The following SH2D3C variants were observed in gnomAD, a reference collection of about 807,000 sequenced individuals.
SH2D3C encodes the protein SH2 domain-containing protein 3C.
In SH2D3C, 25 loss-of-function variants were observed where a neutral mutation model predicts 75.2. The ratio of observed to expected loss-of-function variants is 0.33; its 90% CI spans 0.24 to 0.46. The LOEUF (loss-of-function observed/expected upper bound fraction) is 0.46, where lower values mean the gene tolerates loss of function less well. SH2D3C is among the 20% of genes least tolerant of loss of function. SH2D3C has a pLI of 1.00. For missense variants in SH2D3C, 933 were observed against 1,165.3 expected (o/e 0.80, Z 2.90); for synonymous variants, 450 against 473.7 (o/e 0.95, Z 0.65).
Position 127,738,697 on chromosome 9 carries a change from CT to C in SH2D3C, c.*48del, listed in dbSNP as rs1844756010. The C allele has an allele frequency of 6.7e-7, 1 of 1,503,738 alleles. No individual in the cohort carries two copies. The highest frequency in any genetic ancestry group is 1.3e-5 in the South Asian group (1 of 77,008). The allele number at this position is 1,503,738 out of a possible 1,614,324, so 93.1% of individuals were successfully genotyped here. ...GTGCTCTGGGGAAAGTTGTGTGCCCCTCTGCCCCTGACGCTGTCCGCAGCTG... is the reference window on the plus strand; with the variant it reads ...GTGCTCTGGGGAAAGTTGTGTGCCCCCTGCCCCTGACGCTGTCCGCAGCTG... On this transcript the variant is annotated 3_prime_UTR_variant, in exon 12 of 12. Transcript: ENST00000314830. The surrounding 1 kb of genome is among the most constrained non-coding windows in gnomAD (Gnocchi z 5.0).
intron 2 of SH2D3C, among the ~76,000 whole-genome samples, chr9:127,773,574 G>A (rs574413613): frequency 1.3e-5 from 2 of 152,164 alleles, no homozygotes; most frequent in Non-Finnish European, 2.9e-5. Context: ...AAAGGGTTTA[G>A]CACAGTACCT....
chr9:127,771,099 T>G lies in SH2D3C; in HGVS notation c.515+2891A>C, dbSNP rs1845727819. The G allele has an allele frequency of 3.7e-6, 4 of 1,076,964 alleles. No homozygotes were observed. The South Asian group carries it at 6.9e-5, about 19-fold the overall frequency. The allele number at this position is 1,076,964 out of a possible 1,614,324, so 66.7% of individuals were successfully genotyped here. On this transcript the variant is annotated intron_variant, in intron 2 of 11. Transcript: ENST00000314830. The stretch of plus-strand genomic sequence containing the variant: ...CCTGATGCTAACCCCGCCCCCAAAT[T>G]TGTCAGCTGCCCCAGGGGTGCAGAT...
Position 127,751,654 on chromosome 9 carries a change from C to T in SH2D3C, c.556-354G>A, listed in dbSNP as rs1015623816. Among the ~76,000 whole-genome samples the T allele has an allele frequency of 6.6e-6, 1 of 152,162 alleles. No individual in the cohort carries two copies. Among genetic ancestry groups the T allele is most frequent in the South Asian group, 2.1e-4 (1 of 4,830 alleles). On this transcript the variant is annotated intron_variant, in intron 3 of 11. Coordinates refer to ENST00000314830, the MANE Select transcript of SH2D3C (RefSeq NM_170600.3). This position sits in a 1 kb window ranked among gnomAD's most constrained non-coding sequence, Gnocchi z 4.1. Reference sequence around the variant, plus strand: ...ACAGCGCTGGACAGCGGCAAAGAGCCGGGTGGCTTTTACAAGCGGGATTAA... The same window carrying T: ...ACAGCGCTGGACAGCGGCAAAGAGCTGGGTGGCTTTTACAAGCGGGATTAA...
In SH2D3C at chr9:127,747,188, G is replaced by A. The variant is rs1320771163; in HGVS notation, c.1223C>T (p.Ser408Leu). The A allele has an allele frequency of 8.1e-6, 13 of 1,613,888 alleles. No homozygotes were observed. Among genetic ancestry groups the A allele is most frequent in the East Asian group, 2.2e-5 (1 of 44,902 alleles). The change falls in exon 6 of 12, where the codon TCG becomes TTG. Residue 408 changes from serine to leucine, a missense_variant. Coordinates refer to ENST00000314830, the MANE Select transcript of SH2D3C (RefSeq NM_170600.3). ...GGAGCTAGGGCTCTCGGAGATGGGCGACATGGGTGAGTGCAGGTCTGGGAT... is the reference window on the plus strand; with the variant it reads ...GGAGCTAGGGCTCTCGGAGATGGGCAACATGGGTGAGTGCAGGTCTGGGAT... Reference protein sequence around the residue: ...DQIPDLHSPMSPISESPSSPA... With the variant: ...DQIPDLHSPMLPISESPSSPA...
intron 2 of SH2D3C, among the ~76,000 whole-genome samples, chr9:127,770,834 C>T (rs1307215050): frequency 1.3e-5 from 2 of 152,132 alleles, no homozygotes; most frequent in African/African-American, 4.8e-5. Flanking sequence ...CGGCCCTGGC[C>T]CTGCTGGAGA....
At position 127,738,819 on chromosome 9, in the gene SH2D3C, T is replaced by C. The variant is rs771539092; in HGVS notation, c.2510A>G (p.Tyr837Cys). ...AGTGAGGACCTTGTCGAACTTCTCA[T>C]AGCGCCGGGCCTGGCTGCTGCTGGC... ...QGASSSQARR[Y>C]EKFDKVLTAL... The change falls in exon 12 of 12, where the codon TAT becomes TGT. Residue 837 changes from tyrosine to cysteine, a missense_variant. Coordinates refer to ENST00000314830, the MANE Select transcript of SH2D3C (RefSeq NM_170600.3). The surrounding 1 kb of genome is among the most constrained non-coding windows in gnomAD (Gnocchi z 5.0). 2 of 1,607,378 alleles carry C rather than the reference T, an allele frequency of 1.2e-6. No individual in the cohort carries two copies. Among genetic ancestry groups the C allele is most frequent in the Non-Finnish European group, 1.7e-6 (2 of 1,177,334 alleles).
chr9:127,768,006 C>T (rs982697622), intron 2 of SH2D3C, among the ~76,000 whole-genome samples: 5 of 152,204 alleles, frequency 3.3e-5, no homozygotes, highest in African/African-American at 1.2e-4. Flanking sequence ...GCCCATCCTT[C>T]CCAAGCCAGC....
chr9:127,778,435 G>A (rs562186282), intron 1 of SH2D3C, among the ~76,000 whole-genome samples, 156 bp downstream of exon 1: 2 of 152,136 alleles, frequency 1.3e-5, no homozygotes, highest in Non-Finnish European at 2.9e-5. Flanking sequence ...CAGCCTGGGT[G>A]ACAGAGACGC....
chr9:127,748,000 A>C (rs1053247129), intron 5 of SH2D3C, among the ~76,000 whole-genome samples: 4 of 152,124 alleles, frequency 2.6e-5, no homozygotes, highest in African/African-American at 9.7e-5. Flanking sequence ...TCCTTTCCCA[A>C]GGAGGAGAGG....
chr9:127,740,644 AC>A (rs1211182826), intron 9 of SH2D3C, among the ~76,000 whole-genome samples: 1 of 152,234 alleles, frequency 6.6e-6, no homozygotes, highest in Non-Finnish European at 1.5e-5. Context: ...AACGCAGGAC[AC>A]TGCCTCTGGG....
At chr9:127,764,101 T>C (rs1438503812) in intron 2 of SH2D3C, among the ~76,000 whole-genome samples, 1 of 152,172 alleles carries the variant, frequency 6.6e-6, no homozygotes, top group Non-Finnish European at 1.5e-5. Context: ...CAGCGCTTCC[T>C]CCTGCTTCCT....
intron 1 of SH2D3C, among the ~76,000 whole-genome samples, chr9:127,777,956 A>C (rs544824013): frequency 0.04 from 6,056 of 151,304 alleles, 424 homozygotes; most frequent in African/African-American, 0.14. Context: ...CGGTCTCTAA[A>C]AAAAAAAAAA....
chr9:127,744,173 T>C (rs1844953168), intron 7 of SH2D3C, among the ~76,000 whole-genome samples: 1 of 148,232 alleles, frequency 6.7e-6, no homozygotes, highest in Non-Finnish European at 1.5e-5. Flanking sequence ...AAGGTTCAAG[T>C]GATTCTCCTG....
At chr9:127,773,058 T>C (rs1265135238) in intron 2 of SH2D3C, among the ~76,000 whole-genome samples, 1 of 151,734 alleles carries the variant, frequency 6.6e-6, no homozygotes, top group Non-Finnish European at 1.5e-5. Flanking sequence ...GTTTTCAAAC[T>C]CCTAGCCTCC....
At chr9:127,742,798 T>G (rs1420160723) in intron 8 of SH2D3C, 51 bp downstream of exon 8, 2 of 1,423,876 alleles carry the variant, frequency 1.4e-6, no homozygotes, top group Non-Finnish European at 1.9e-6. Flanking sequence ...CAGCGGGGAG[T>G]GCGGTAGCCG....
intron 2 of SH2D3C, chr9:127,771,386 C>T (rs1231910930): frequency 4.5e-6 from 6 of 1,331,866 alleles, no homozygotes; most frequent in East Asian, 6.2e-5. Context: ...CGCTCCTTGC[C>T]CGGCCCCACT....
intron 2 of SH2D3C, chr9:127,771,134 C>A: frequency 7.1e-7 from 1 of 1,405,748 alleles, no homozygotes; most frequent in Non-Finnish European, 9.5e-7. Context: ...TTTCCTCCTT[C>A]GACCTCTCCT....
At chr9:127,766,328 CCT>C (rs1845634518) in intron 2 of SH2D3C, among the ~76,000 whole-genome samples, 1 of 152,218 alleles carries the variant, frequency 6.6e-6, no homozygotes, top group South Asian at 2.1e-4. Flanking sequence ...TTCCCCTGCC[CCT>C]GATCCCTGGC....
intron 2 of SH2D3C, among the ~76,000 whole-genome samples, chr9:127,769,548 C>T (rs1436423390): frequency 6.6e-6 from 1 of 150,860 alleles, no homozygotes; most frequent in East Asian, 1.9e-4. Context: ...CCCAGCTACT[C>T]GGGAGGCTGA....
Sources: gnomAD v4.1 joint callset for allele counts (sites outside exome capture counted in the v4.1 genomes callset) on GRCh38, gnomAD v4.1.1 for gene constraint, Gnocchi (gnomAD v3.1) non-coding constraint, MANE v1.5 for transcripts, NCBI Gene and HGNC (gene_info 2026-07-23, HGNC 2026-07-21) for gene names.